Variants in TDRD5 observed in about 807,000 individuals in gnomAD.
TDRD5 encodes tudor domain containing 5, also known as tudor domain-containing protein 5.
A neutral mutation model predicts 120.6 loss-of-function variants in TDRD5; 41 were observed. That is an observed-to-expected ratio of 0.34 (90% CI 0.26 to 0.44). The LOEUF (loss-of-function observed/expected upper bound fraction) is 0.44, where lower values mean the gene tolerates loss of function less well. TDRD5 is among the 20% of genes least tolerant of loss of function. TDRD5 has a pLI of 1.00. For synonymous variants in TDRD5, 430 were observed against 433.7 expected, an observed-to-expected ratio of 0.99 and a Z score of 0.11; for missense variants, 1,006 against 1,221.2, an observed-to-expected ratio of 0.82 and a Z score of 2.63.
intron 4 of TDRD5, among the ~76,000 whole-genome samples, chr1:179,606,121 A>C (rs1183488325): frequency 1.3e-5 from 2 of 150,260 alleles, no homozygotes; most frequent in African/African-American, 4.9e-5. Context: ...CTAGTGTTTT[A>C]GATTTTGGCC....
At chr1:179,653,625 T>C (rs1230034218) in intron 13 of TDRD5, among the ~76,000 whole-genome samples, 1 of 152,206 alleles carries the variant, frequency 6.6e-6, no homozygotes, top group African/African-American at 2.4e-5. Context: ...TATCACTCTG[T>C]TGGTGTCTTC....
At chr1:179,640,578 G>A in intron 11 of TDRD5, 133 bp downstream of exon 11, 1 of 913,766 alleles carries the variant, frequency 1.1e-6, no homozygotes, top group Non-Finnish European at 1.7e-6. Flanking sequence ...TATAGAGTAT[G>A]GAAAATAGAC....
chr1:179,604,113 AT>A (rs1420836049), intron 4 of TDRD5, among the ~76,000 whole-genome samples: 1 of 151,488 alleles, frequency 6.6e-6, no homozygotes, highest in Non-Finnish European at 1.5e-5. Context: ...GGCAGGTTGT[AT>A]TTTTCCAGGA....
rs866901531 is a variant in TDRD5, at chr1:179,593,789, G to A, written c.562G>A (p.Val188Ile). The A allele has an allele frequency of 6.2e-7, 1 of 1,614,242 alleles. No individual in the cohort carries two copies. The highest frequency in any genetic ancestry group is 1.3e-5 in the African/African-American group (1 of 75,074). ...TAATGCGGCTTCAGATGTCATTTCT[G>A]TAGAGCAGACCAGAGCAGGTTCTTT... ...VLNAASDVISVEQTRAGSLLM... is the reference protein window; with the variant it reads ...VLNAASDVISIEQTRAGSLLM... The change falls in exon 3 of 18, where the codon GTA becomes ATA. Residue 188 changes from valine (V) to isoleucine (I), a missense_variant. Coordinates refer to ENST00000444136, the MANE Select transcript of TDRD5 (RefSeq NM_001199085.3).
chr1:179,608,279 G>T lies in TDRD5; in HGVS notation c.832-10320G>T, dbSNP rs1264205829. Among the ~76,000 whole-genome samples, 12 of 151,482 alleles carry T rather than the reference G, an allele frequency of 7.9e-5. No individual in the cohort carries two copies. The East Asian group carries it at 2.3e-3, about 29-fold the overall frequency. ...TTGTACTTTTCTTTATTTTTTTTCTGCATGAGATTCATTGAGCTTCTTATA... is the reference window on the plus strand; with the variant it reads ...TTGTACTTTTCTTTATTTTTTTTCTTCATGAGATTCATTGAGCTTCTTATA... On this transcript the variant is annotated intron_variant, in intron 4 of 17. Transcript: ENST00000444136.
intron 11 of TDRD5, among the ~76,000 whole-genome samples, chr1:179,648,789 A>T (rs1345582914): frequency 2.1e-5 from 1 of 48,306 alleles, no homozygotes; most frequent in African/African-American, 3.5e-5. Context: ...AAAAAACAAT[A>T]AAAAAAATAA....
intron 11 of TDRD5, among the ~76,000 whole-genome samples, chr1:179,645,207 TC>T (rs1384346010): frequency 6.9e-6 from 1 of 144,700 alleles, no homozygotes; most frequent in Admixed American, 7.0e-5. Context: ...TGCCTCAGCC[TC>T]CCAAGTAGCT....
chr1:179,595,679 G>T lies in TDRD5; in HGVS notation c.692G>T (p.Gly231Val). ...ATGAAACAAGGGTCATACTCCACAGGCTTTCCGGTAGCAAAGCCATGCTTT... is the reference window on the plus strand; with the variant it reads ...ATGAAACAAGGGTCATACTCCACAGTCTTTCCGGTAGCAAAGCCATGCTTT... ...FRMKQGSYSTGFPVAKPCFSQ... is the reference protein window; with the variant it reads ...FRMKQGSYSTVFPVAKPCFSQ... Residue 231 changes from glycine to valine, a missense_variant, in exon 4 of 18, where the codon GGC becomes GTC. Gly to Val is a moderately radical substitution (Grantham distance 109, BLOSUM62 -3). This residue lies in a region of TDRD5 where 445 missense variants were observed against 515.5 expected (regional missense o/e 0.86). Coordinates refer to ENST00000444136, the MANE Select transcript of TDRD5 (RefSeq NM_001199085.3). 1 of 1,613,304 alleles carries T rather than the reference G, an allele frequency of 6.2e-7. No individual in the cohort carries two copies. The highest frequency in any genetic ancestry group is 1.7e-5 in the Admixed American group (1 of 59,924).
intron 14 of TDRD5, among the ~76,000 whole-genome samples, chr1:179,660,799 T>C (rs563267967): frequency 2.0e-5 from 3 of 152,336 alleles, no homozygotes; most frequent in African/African-American, 7.2e-5. Flanking sequence ...TTTCTTTTTC[T>C]GATATTCCAA....
intron 17 of TDRD5, among the ~76,000 whole-genome samples, chr1:179,671,004 TCCAATTCA>T (rs1265003727): frequency 6.6e-6 from 1 of 152,244 alleles, no homozygotes. Flanking sequence ...AAGTCTGAGA[TCCAATTCA>T]AGTTAATATT....
intron 4 of TDRD5, among the ~76,000 whole-genome samples, chr1:179,605,808 C>T (rs10913831): frequency 0.096 from 14,589 of 152,102 alleles, 798 homozygotes; most frequent in African/African-American, 0.13. Flanking sequence ...TGCATTTCTT[C>T]TTGGCACTGA....
chr1:179,654,373 G>C lies in TDRD5; in HGVS notation c.2322+11G>C. On this transcript the variant is annotated intron_variant, in intron 14 of 17. Coordinates refer to ENST00000444136, the MANE Select transcript of TDRD5 (RefSeq NM_001199085.3). ...AAGGAAGAAAATGAGGTAGGAGAAG[G>C]AAAGATAGTCTTTGAATATGTAATT... The C allele has an allele frequency of 6.6e-7, 1 of 1,519,194 alleles. No homozygotes were observed. The highest frequency in any genetic ancestry group is 8.8e-7 in the Non-Finnish European group (1 of 1,131,256). The allele number at this position is 1,519,194 out of a possible 1,614,324, so 94.1% of individuals were successfully genotyped here.
chr1:179,651,826 T>C (rs909296494), intron 12 of TDRD5, among the ~76,000 whole-genome samples: 1 of 151,852 alleles, frequency 6.6e-6, no homozygotes. Context: ...GGCAGGAGAA[T>C]TGCTCGAATC....
At chr1:179,665,847 G>A (rs1346921500) in intron 16 of TDRD5, among the ~76,000 whole-genome samples, 1 of 151,998 alleles carries the variant, frequency 6.6e-6, no homozygotes, top group Non-Finnish European at 1.5e-5. Context: ...TACTTACCAT[G>A]CAGGTTGAAT....
Position 179,630,762 on chromosome 1 carries a change from G to T in TDRD5, c.973-5G>T. ...TTTCATGTAATTTCTATTTTCTTGTGACAGGTAATTTTTAAAGAGCAACTA... is the reference window on the plus strand; with the variant it reads ...TTTCATGTAATTTCTATTTTCTTGTTACAGGTAATTTTTAAAGAGCAACTA... On this transcript the variant is annotated splice_region_variant and splice_polypyrimidine_tract_variant and intron_variant, in intron 6 of 17. Coordinates refer to ENST00000444136, the MANE Select transcript of TDRD5 (RefSeq NM_001199085.3). 6.2e-7 allele frequency: 1 copy of T among 1,612,038 alleles called. No individual in the cohort carries two copies. The highest frequency in any genetic ancestry group is 1.1e-5 in the South Asian group (1 of 90,824).
intron 4 of TDRD5, among the ~76,000 whole-genome samples, chr1:179,610,992 A>T (rs996531509): frequency 6.6e-6 from 1 of 151,590 alleles, no homozygotes; most frequent in African/African-American, 2.4e-5. Context: ...TTCATTGCAG[A>T]TATTTAGTTT....
intron 6 of TDRD5, among the ~76,000 whole-genome samples, chr1:179,626,207 G>A (rs376547393): frequency 6.7e-6 from 1 of 149,146 alleles, no homozygotes; most frequent in Admixed American, 6.8e-5. Context: ...AAAACTTAAA[G>A]TATAATAATA....
Position 179,691,082 on chromosome 1 carries a change from TTTA to T in TDRD5, c.*144_*146del, listed in dbSNP as rs1339732496. The T allele has an allele frequency of 5.3e-5, 58 of 1,102,082 alleles. No individual in the cohort carries two copies. In the African/African-American group the frequency reaches 8.7e-4, roughly 16 times the overall value. The allele number at this position is 1,102,082 out of a possible 1,614,324, so 68.3% of individuals were successfully genotyped here. A position where few individuals can be genotyped will look rare whatever the true frequency, so the allele number is the denominator to read the frequency against. On this transcript the variant is annotated 3_prime_UTR_variant, in exon 18 of 18. Transcript: ENST00000444136. ...TGTCTTTCTGTGACTATATGTTAGCTTTATTATGCTAACAGTCTACTTTGATGT... is the reference window on the plus strand; with the variant it reads ...TGTCTTTCTGTGACTATATGTTAGCTTTATGCTAACAGTCTACTTTGATGT...
At chr1:179,672,667 G>C (rs1033259934) in intron 17 of TDRD5, among the ~76,000 whole-genome samples, 1 of 152,052 alleles carries the variant, frequency 6.6e-6, no homozygotes, top group African/African-American at 2.4e-5. Context: ...TGAATTATTT[G>C]CCTAAGCCAA....
Sources: gnomAD v4.1 joint callset for allele counts (sites outside exome capture counted in the v4.1 genomes callset) on GRCh38, gnomAD v4.1.1 for gene constraint, gnomAD v4.1.1 regional missense constraint, MANE v1.5 for transcripts, NCBI Gene and HGNC (gene_info 2026-07-23, HGNC 2026-07-21) for gene names.